FRMD5: variants seen among roughly 807,000 people sequenced by gnomAD.
FRMD5 encodes the protein FERM domain-containing protein 5.
Under a neutral mutation model 69.0 loss-of-function variants are expected in FRMD5, and 20 were observed. The observed-to-expected ratio is 0.29, with a 90% CI of 0.20 to 0.42. FRMD5 has a LOEUF of 0.42. Among genes scored for constraint, FRMD5 ranks in the 10% least tolerant of loss-of-function variants. The probability of loss-of-function intolerance (pLI) is 1.00; values close to 1 mark genes in which losing one functional copy is unlikely to be tolerated. For synonymous variants in FRMD5, 271 were observed against 260.1 expected, an observed-to-expected ratio of 1.04 and a Z score of -0.40; for missense variants, 595 against 708.6, an observed-to-expected ratio of 0.84 and a Z score of 1.82.
intron 1 of FRMD5, among the ~76,000 whole-genome samples, chr15:43,983,514 C>CT (rs1257769029): frequency 6.6e-6 from 1 of 152,154 alleles, no homozygotes; most frequent in African/African-American, 2.4e-5. Context: ...CTCCAAAAGT[C>CT]TGTTATCGCC....
chr15:44,107,170 A>G (rs569184998), intron 1 of FRMD5, among the ~76,000 whole-genome samples: 6 of 152,332 alleles, frequency 3.9e-5, no homozygotes, highest in Admixed American at 6.5e-5. Context: ...ATATTTGAGA[A>G]GGTTGATAGG....
chr15:43,987,376 G>A (rs556644436), intron 1 of FRMD5, among the ~76,000 whole-genome samples: 2 of 152,300 alleles, frequency 1.3e-5, no homozygotes, highest in African/African-American at 2.4e-5. Context: ...ATGGTAAAGT[G>A]AAAGAGCCTT....
chr15:43,874,989 G>A (rs35267287), intron 13 of FRMD5, among the ~76,000 whole-genome samples: 25,588 of 152,010 alleles, frequency 0.17, 2,547 homozygotes, highest in African/African-American at 0.26. Flanking sequence ...CATGAGGTAA[G>A]GAGTTCGAGA....
At chr15:44,076,495 T>C (rs1317779932) in intron 1 of FRMD5, among the ~76,000 whole-genome samples, 7 of 150,136 alleles carry the variant, frequency 4.7e-5, no homozygotes, top group Non-Finnish European at 8.9e-5. Flanking sequence ...AAATTGGAAA[T>C]CATCATTCTC....
intron 1 of FRMD5, among the ~76,000 whole-genome samples, chr15:44,081,542 A>T (rs767864536): frequency 6.6e-6 from 1 of 152,112 alleles, no homozygotes; most frequent in Middle Eastern, 3.2e-3. Context: ...CACAAAAATG[A>T]ACTATGGTCC....
intron 1 of FRMD5, among the ~76,000 whole-genome samples, chr15:44,034,332 T>C (rs1891816803): frequency 6.6e-6 from 1 of 152,228 alleles, no homozygotes; most frequent in African/African-American, 2.4e-5. Flanking sequence ...ATTTATTTTT[T>C]CAGGTTTTCT....
intron 1 of FRMD5, 78 bp downstream of exon 1, chr15:44,194,875 C>T: frequency 2.4e-6 from 3 of 1,258,506 alleles, no homozygotes; most frequent in Non-Finnish European, 2.2e-6. Flanking sequence ...CCCTGGGCGG[C>T]GGCCGCCGCC....
At chr15:43,889,989 CAG>C (rs2088756876) in intron 8 of FRMD5, among the ~76,000 whole-genome samples, 1 of 152,162 alleles carries the variant, frequency 6.6e-6, no homozygotes, top group Admixed American at 6.5e-5. Flanking sequence ...GTTCAGGGGA[CAG>C]AGGAAAATCA....
chr15:44,101,991 T>C (rs959942551), intron 1 of FRMD5, among the ~76,000 whole-genome samples: 2 of 152,240 alleles, frequency 1.3e-5, no homozygotes, highest in Non-Finnish European at 2.9e-5. Flanking sequence ...TATTGACTAG[T>C]TGAAAGCCAT....
intron 1 of FRMD5, among the ~76,000 whole-genome samples, chr15:44,153,345 A>G (rs1261156836): frequency 6.6e-6 from 1 of 152,248 alleles, no homozygotes; most frequent in Non-Finnish European, 1.5e-5. Flanking sequence ...ATGAATAAGC[A>G]AAATGTGGTA....
chr15:43,977,030 C>T (rs1297156935), intron 1 of FRMD5, among the ~76,000 whole-genome samples: 2 of 152,006 alleles, frequency 1.3e-5, no homozygotes, highest in African/African-American at 2.4e-5. Flanking sequence ...AACAGGGTTT[C>T]ACCATGTTAG....
chr15:44,089,591 T>C (rs893133609), intron 1 of FRMD5, among the ~76,000 whole-genome samples: 4 of 151,678 alleles, frequency 2.6e-5, no homozygotes, highest in African/African-American at 9.7e-5. Flanking sequence ...TAGTCCCAGG[T>C]ATTTGGGAGG....
chr15:43,896,768 C>T (rs991664273), intron 7 of FRMD5, among the ~76,000 whole-genome samples: 1 of 152,178 alleles, frequency 6.6e-6, no homozygotes, highest in African/African-American at 2.4e-5. Flanking sequence ...TCATACTGTG[C>T]CCTCTCTGGG....
chr15:44,187,506 C>G (rs894202853), intron 1 of FRMD5, among the ~76,000 whole-genome samples: 17 of 151,780 alleles, frequency 1.1e-4, no homozygotes, highest in African/African-American at 4.1e-4. Flanking sequence ...TAGAAGTAGT[C>G]TGCTGTTAAC....
At chr15:43,926,490 C>T (rs1008991517) in intron 1 of FRMD5, among the ~76,000 whole-genome samples, 1 of 152,164 alleles carries the variant, frequency 6.6e-6, no homozygotes, top group African/African-American at 2.4e-5. Context: ...AGGGCCTGGC[C>T]CTGCCCCAAG....
chr15:44,165,008 G>C (rs2733210), intron 1 of FRMD5, among the ~76,000 whole-genome samples: 124,424 of 152,160 alleles, frequency 0.82, 54,682 homozygotes, highest in Non-Finnish European at 0.97. Context: ...TGGGTCCTGG[G>C]TGCTCCCTAG....
At chr15:44,070,323 GAA>G (rs77770563) in intron 1 of FRMD5, among the ~76,000 whole-genome samples, 1 of 132,632 alleles carries the variant, frequency 7.5e-6, no homozygotes, top group African/African-American at 2.8e-5. Context: ...ATAAAAATAA[GAA>G]AAAAAAAAAA....
intron 1 of FRMD5, among the ~76,000 whole-genome samples, chr15:44,077,294 G>A (rs999414972): frequency 6.6e-5 from 10 of 152,174 alleles, no homozygotes; most frequent in African/African-American, 2.4e-4. Flanking sequence ...GAGCTATGGT[G>A]TACTACTCTG....
chr15:43,947,178 C>T, intron 1 of FRMD5, among the ~76,000 whole-genome samples: 1 of 152,144 alleles, frequency 6.6e-6, no homozygotes, highest in South Asian at 2.1e-4. Context: ...AATTTCCTGG[C>T]ATAAATGTTT....
Sources: allele counts gnomAD v4.1 joint callset (sites outside exome capture counted in the v4.1 genomes callset), GRCh38; gene constraint gnomAD v4.1.1; transcripts MANE v1.5; gene names NCBI Gene and HGNC (gene_info 2026-07-23, HGNC 2026-07-21).